C8orf34: variants seen among roughly 807,000 people sequenced by gnomAD.
The protein encoded by C8orf34 is chromosome 8 open reading frame 34.
A neutral mutation model predicts 68.3 loss-of-function variants in C8orf34; 65 were observed. The observed-to-expected ratio is 0.95, with a 90% CI of 0.78 to 1.17. The LOEUF is 1.17. Among genes scored for constraint, C8orf34 ranks in the 50% most tolerant of loss-of-function variants. The pLI is 0.00. For synonymous variants in C8orf34, 244 were observed against 241.2 expected (o/e 1.01, Z -0.11); for missense variants, 664 against 655.4 (o/e 1.01, Z -0.14).
chr8:68,387,780 T>A (rs1359518883), intron 1 of C8orf34, among the ~76,000 whole-genome samples: 1 of 152,202 alleles, frequency 6.6e-6, no homozygotes, highest in African/African-American at 2.4e-5. Context: ...TATTGAAATC[T>A]AAAACAAATA....
At chr8:68,752,320 TC>T (rs1200843729) in intron 10 of C8orf34, among the ~76,000 whole-genome samples, 1 of 152,136 alleles carries the variant, frequency 6.6e-6, no homozygotes, top group African/African-American at 2.4e-5. Context: ...TTCTAATTAG[TC>T]CCCTGGCATG....
chr8:68,801,127 G>GATTGTTTATCTTTGTATTGTAAT, intron 12 of C8orf34, among the ~76,000 whole-genome samples: 1 of 152,090 alleles, frequency 6.6e-6, no homozygotes, highest in Non-Finnish European at 1.5e-5. Context: ...CTAAGGCTGG[G>GATTGTTTATCTTTGTATTGTAAT]GTTTCAAAAG....
At chr8:68,773,680 C>T (rs948906672) in intron 10 of C8orf34, among the ~76,000 whole-genome samples, 6 of 152,248 alleles carry the variant, frequency 3.9e-5, no homozygotes, top group African/African-American at 7.2e-5. Context: ...GCCGCCACAC[C>T]GGCCCCTCCG....
intron 8 of C8orf34, among the ~76,000 whole-genome samples, chr8:68,683,412 C>T (rs1441615382): frequency 3.3e-5 from 5 of 151,252 alleles, no homozygotes; most frequent in African/African-American, 2.4e-5. Context: ...TTCATCTTGA[C>T]CTAACGGGGA....
In C8orf34 at chr8:68,521,235, G is replaced by T. The variant is rs528749065; in HGVS notation, c.766-564G>T. Among the ~76,000 whole-genome samples, 9 of 152,238 alleles carry T rather than the reference G, an allele frequency of 5.9e-5. No homozygotes were observed. The South Asian group carries it at 1.7e-3, about 28-fold the overall frequency. ...CTACTACAATAGTATTTTAATAGCT[G>T]TATCATATCCGAGTCCATGAAAACA... is the stretch of plus-strand genomic sequence containing the variant. On this transcript the variant is annotated intron_variant, in intron 5 of 13. Transcript: ENST00000518698.
intron 1 of C8orf34, among the ~76,000 whole-genome samples, chr8:68,344,451 T>C (rs1475775180): frequency 2.6e-5 from 4 of 152,172 alleles, no homozygotes; most frequent in Admixed American, 2.6e-4. Context: ...GGGATTCTTA[T>C]TGTGATCAAA....
At chr8:68,788,930 G>A (rs1329860713) in intron 12 of C8orf34, among the ~76,000 whole-genome samples, 1 of 152,082 alleles carries the variant, frequency 6.6e-6, no homozygotes, top group Non-Finnish European at 1.5e-5. Context: ...AAAGCAAAGA[G>A]TATTTTGGAA....
chr8:68,699,853 G>C (rs554683052), intron 8 of C8orf34, among the ~76,000 whole-genome samples: 1 of 152,194 alleles, frequency 6.6e-6, no homozygotes, highest in Non-Finnish European at 1.5e-5. Context: ...TGATTAGAAA[G>C]TTACAGATAG....
chr8:68,342,943 G>A (rs1806130981), intron 1 of C8orf34, among the ~76,000 whole-genome samples: 2 of 152,086 alleles, frequency 1.3e-5, no homozygotes. Flanking sequence ...AAAATATACA[G>A]TAATAATGAA....
intron 1 of C8orf34, among the ~76,000 whole-genome samples, chr8:68,332,586 A>G (rs1022967822): frequency 1.3e-5 from 2 of 152,116 alleles, no homozygotes; most frequent in African/African-American, 4.8e-5. Flanking sequence ...GAACAAAAAA[A>G]TAATGCGAGT....
intron 10 of C8orf34, among the ~76,000 whole-genome samples, chr8:68,768,070 C>G (rs1043274467): frequency 6.6e-6 from 1 of 152,168 alleles, no homozygotes; most frequent in African/African-American, 2.4e-5. Context: ...TCTCTAATAG[C>G]TCCTGAAGAT....
intron 10 of C8orf34, among the ~76,000 whole-genome samples, chr8:68,731,047 A>G (rs1238368188): frequency 6.6e-6 from 1 of 152,188 alleles, no homozygotes; most frequent in South Asian, 2.1e-4. Flanking sequence ...GTTTCGAGGT[A>G]AAGCCTTATA....
At chr8:68,394,516 CTT>C (rs1186001641) in intron 1 of C8orf34, among the ~76,000 whole-genome samples, 2 of 151,902 alleles carry the variant, frequency 1.3e-5, no homozygotes, top group Non-Finnish European at 2.9e-5. Flanking sequence ...GGTTCCAAGT[CTT>C]TGCTATTGTG....
intron 10 of C8orf34, among the ~76,000 whole-genome samples, chr8:68,745,361 C>T (rs1458784141): frequency 1.3e-5 from 2 of 151,786 alleles, no homozygotes; most frequent in Non-Finnish European, 2.9e-5. Flanking sequence ...ATCATAATGA[C>T]AGGATCAAAT....
At chr8:68,728,578 C>T (rs2129526768) in intron 10 of C8orf34, among the ~76,000 whole-genome samples, 1 of 152,294 alleles carries the variant, frequency 6.6e-6, no homozygotes, top group South Asian at 2.1e-4. Context: ...GTGAAATACA[C>T]TTCTTACATG....
chr8:68,663,756 A>C (rs1393237845), intron 8 of C8orf34, among the ~76,000 whole-genome samples: 1 of 152,170 alleles, frequency 6.6e-6, no homozygotes, highest in Non-Finnish European at 1.5e-5. Context: ...GCATAAATGA[A>C]AGATTGCATT....
upstream of C8orf34, chr8:68,330,854 C>A: frequency 1.7e-6 from 1 of 590,580 alleles, no homozygotes; most frequent in Non-Finnish European, 2.7e-6. Context: ...CCCGCGGCCC[C>A]TGTCCGCCCG....
At chr8:68,808,540 G>A (rs759928765) in intron 12 of C8orf34, among the ~76,000 whole-genome samples, 51 of 150,632 alleles carry the variant, frequency 3.4e-4, no homozygotes, top group Non-Finnish European at 6.5e-4. Flanking sequence ...TCAACCAACC[G>A]TAGATCAAAA....
chr8:68,422,555 C>T (rs909464744), intron 1 of C8orf34, among the ~76,000 whole-genome samples: 6 of 152,206 alleles, frequency 3.9e-5, no homozygotes, highest in Admixed American at 3.9e-4. Flanking sequence ...CTCCCAGCTG[C>T]TTTCACAGGC....
Sources: gnomAD v4.1 joint callset for allele counts (sites outside exome capture counted in the v4.1 genomes callset) on GRCh38, gnomAD v4.1.1 for gene constraint, MANE v1.5 for transcripts, NCBI Gene and HGNC (gene_info 2026-07-23, HGNC 2026-07-21) for gene names.